The following LIN52 variants were observed in gnomAD, a reference collection of about 807,000 sequenced individuals.
LIN52 encodes the protein protein lin-52 homolog.
LIN52 carries 4 observed loss-of-function variants against 18.5 expected under a neutral mutation model. That is an observed-to-expected ratio of 0.22 (90% CI 0.11 to 0.49). The LOEUF (loss-of-function observed/expected upper bound fraction) is 0.49. LIN52 is among the 20% of genes least tolerant of loss of function. LIN52 has a pLI of 0.97. For synonymous variants in LIN52, 34 were observed against 45.5 expected (o/e 0.75, Z 1.02); for missense variants, 102 against 139.5 (o/e 0.73, Z 1.35).
intron 5 of LIN52, among the ~76,000 whole-genome samples, chr14:74,155,782 T>G (rs2061196727): frequency 6.6e-6 from 1 of 152,212 alleles, no homozygotes; most frequent in African/African-American, 2.4e-5. Context: ...TCCTTCAGAT[T>G]GGCTTTTGTT....
chr14:74,137,851 T>C (rs1052475473), intron 5 of LIN52, among the ~76,000 whole-genome samples: 2 of 152,138 alleles, frequency 1.3e-5, no homozygotes, highest in South Asian at 4.1e-4. Flanking sequence ...GGTGAACATA[T>C]ATTTACTCAA....
intron 1 of LIN52, chr14:74,085,280 C>T: frequency 3.0e-6 from 1 of 329,636 alleles, no homozygotes; most frequent in Non-Finnish European, 5.5e-6. Flanking sequence ...TTCCTTATCT[C>T]TATTTGGGCG....
At chr14:74,155,232 C>G (rs1410256489) in intron 5 of LIN52, among the ~76,000 whole-genome samples, 1 of 152,138 alleles carries the variant, frequency 6.6e-6, no homozygotes, top group Non-Finnish European at 1.5e-5. Context: ...GAATGAAATT[C>G]AAAAAGACAC....
chr14:74,088,255 T>A (rs1328296062), intron 1 of LIN52, among the ~76,000 whole-genome samples: 6 of 152,280 alleles, frequency 3.9e-5, no homozygotes, highest in Middle Eastern at 3.4e-3. Flanking sequence ...CACACCTGGC[T>A]AATTTTTGTA....
intron 5 of LIN52, among the ~76,000 whole-genome samples, chr14:74,137,322 A>G (rs1460040826): frequency 6.6e-6 from 1 of 151,496 alleles, no homozygotes; most frequent in Non-Finnish European, 1.5e-5. Context: ...ATCACATCCA[A>G]CAAAAATAAT....
At chr14:74,131,216 C>A (rs2061064869) in intron 5 of LIN52, among the ~76,000 whole-genome samples, 1 of 152,104 alleles carries the variant, frequency 6.6e-6, no homozygotes. Context: ...TGGCTGTTAG[C>A]AATCTTGAGT....
chr14:74,094,762 C>T (rs940650641), intron 2 of LIN52, among the ~76,000 whole-genome samples: 1 of 150,892 alleles, frequency 6.6e-6, no homozygotes, highest in African/African-American at 2.4e-5. Flanking sequence ...GAGTCTCGCT[C>T]TGTTGCCCAG....
intron 1 of LIN52, among the ~76,000 whole-genome samples, chr14:74,088,609 A>G (rs1351574696): frequency 1.3e-5 from 2 of 152,346 alleles, no homozygotes; most frequent in East Asian, 1.9e-4. Context: ...AATTAAGGCA[A>G]TGTATTAGTT....
In LIN52 at chr14:74,199,122, T is replaced by C. The variant is rs1484750086; in HGVS notation, c.*145T>C. The C allele has an allele frequency of 3.3e-6, 2 of 609,314 alleles. No homozygotes were observed. The highest frequency in any genetic ancestry group is 3.7e-5 in the African/African-American group (2 of 54,236). 37.7% of individuals were successfully genotyped at this position (609,314 alleles called of 1,614,324 possible). Reference sequence around the variant, plus strand: ...GCCCTCTCCCCTGCTCCTGGCACTCTACACGTCTGAGGACATTCAGCAGCA... The same window carrying C: ...GCCCTCTCCCCTGCTCCTGGCACTCCACACGTCTGAGGACATTCAGCAGCA... On this transcript the variant is annotated 3_prime_UTR_variant, in exon 6 of 6. Coordinates refer to ENST00000555028, the MANE Select transcript of LIN52 (RefSeq NM_001024674.3).
intron 5 of LIN52, among the ~76,000 whole-genome samples, chr14:74,132,378 G>T (rs1210182489): frequency 6.6e-6 from 1 of 152,206 alleles, no homozygotes; most frequent in Non-Finnish European, 1.5e-5. Flanking sequence ...CTGGACACCA[G>T]TCTGACACTT....
chr14:74,111,486 G>C (rs1470329962), intron 5 of LIN52, among the ~76,000 whole-genome samples: 1 of 150,124 alleles, frequency 6.7e-6, no homozygotes, highest in Non-Finnish European at 1.5e-5. Context: ...TTATTTTGTA[G>C]AGATGGGGTC....
chr14:74,145,528 T>C (rs2061149866), intron 5 of LIN52, among the ~76,000 whole-genome samples: 1 of 152,266 alleles, frequency 6.6e-6, no homozygotes, highest in South Asian at 2.1e-4. Context: ...TAAAGCTGCC[T>C]GTTAATAAGT....
At chr14:74,121,751 TCTCA>T (rs1331392693) in intron 5 of LIN52, among the ~76,000 whole-genome samples, 1 of 148,038 alleles carries the variant, frequency 6.8e-6, no homozygotes, top group Non-Finnish European at 1.5e-5. Context: ...TAAGACGGAG[TCTCA>T]CTCCGTCACC....
At chr14:74,190,028 T>A (rs1027131245) in intron 5 of LIN52, among the ~76,000 whole-genome samples, 7 of 152,214 alleles carry the variant, frequency 4.6e-5, no homozygotes, top group African/African-American at 1.7e-4. Flanking sequence ...CCCAGCACTT[T>A]GGGAGACTGA....
rs925341988 is a variant in LIN52, at chr14:74,199,857, G to C, written c.*880G>C. ...GCCCTAATTGACCTTAAAGTAACAT[G>C]CTATGGGATGGTGGGATTGTCCCCT... On this transcript the variant is annotated 3_prime_UTR_variant, in exon 6 of 6. Transcript: ENST00000555028. 3 of 152,180 alleles carry C rather than the reference G, an allele frequency of 2.0e-5. No individual in the cohort carries two copies. Among genetic ancestry groups the C allele is most frequent in the Admixed American group, 6.5e-5 (1 of 15,284 alleles). The allele number at this position is 152,180 out of a possible 1,614,324, so 9.4% of individuals were successfully genotyped here. A position where few individuals can be genotyped will look rare whatever the true frequency, so the allele number is the denominator to read the frequency against.
chr14:74,093,606 C>T, intron 2 of LIN52, among the ~76,000 whole-genome samples: 1 of 152,138 alleles, frequency 6.6e-6, no homozygotes, highest in Non-Finnish European at 1.5e-5. Context: ...TATTAGAGGC[C>T]TGAACCACTG....
chr14:74,102,271 T>G (rs1378587862), intron 5 of LIN52, among the ~76,000 whole-genome samples: 2 of 152,230 alleles, frequency 1.3e-5, no homozygotes, highest in African/African-American at 4.8e-5. Flanking sequence ...TTAAAATTTC[T>G]AATTTTCAAC....
At chr14:74,097,293 G>A (rs957162088) in intron 3 of LIN52, among the ~76,000 whole-genome samples, 2 of 152,102 alleles carry the variant, frequency 1.3e-5, no homozygotes, top group African/African-American at 2.4e-5. Context: ...CTTTCAAGAT[G>A]AGCCATGTTT....
At chr14:74,131,490 T>C (rs1285754740) in intron 5 of LIN52, among the ~76,000 whole-genome samples, 1 of 151,642 alleles carries the variant, frequency 6.6e-6, no homozygotes, top group Non-Finnish European at 1.5e-5. Flanking sequence ...GGCTAACTTT[T>C]TGTATTTTTA....
Sources: allele counts gnomAD v4.1 joint callset (sites outside exome capture counted in the v4.1 genomes callset), GRCh38; gene constraint gnomAD v4.1.1; transcripts MANE v1.5; gene names NCBI Gene and HGNC (gene_info 2026-07-23, HGNC 2026-07-21).